DAB1: variants seen among roughly 807,000 people sequenced by gnomAD.
The protein encoded by DAB1 is disabled homolog 1.
DAB1 carries 15 observed loss-of-function variants against 64.6 expected under a neutral mutation model. The ratio of observed to expected loss-of-function variants is 0.23; its 90% CI spans 0.16 to 0.36. The LOEUF (loss-of-function observed/expected upper bound fraction) is 0.36. DAB1 is among the 10% of genes least tolerant of loss of function. The probability of loss-of-function intolerance (pLI) is 1.00; values close to 1 mark genes in which losing one functional copy is unlikely to be tolerated. For missense variants in DAB1, 596 were observed against 706.7 expected, an observed-to-expected ratio of 0.84 and a Z score of 1.78; for synonymous variants, 235 against 251.9, an observed-to-expected ratio of 0.93 and a Z score of 0.64.
intron 5 of DAB1, among the ~76,000 whole-genome samples, chr1:58,148,327 A>AAC (rs1654727024): frequency 6.6e-6 from 1 of 152,174 alleles, no homozygotes. Flanking sequence ...ATATTTTCAG[A>AAC]ACACACACCA....
chr1:58,074,702 C>A (rs1649533147), intron 5 of DAB1, among the ~76,000 whole-genome samples: 1 of 151,172 alleles, frequency 6.6e-6, no homozygotes, highest in African/African-American at 2.4e-5. Flanking sequence ...AAATGGCAAA[C>A]CCCTCAATCA....
intron 2 of DAB1, among the ~76,000 whole-genome samples, chr1:57,193,265 C>T (rs1664300000): frequency 6.6e-6 from 1 of 151,986 alleles, no homozygotes; most frequent in South Asian, 2.1e-4. Flanking sequence ...TGCTCTCTGC[C>T]TCTATGAGTT....
intron 1 of DAB1, among the ~76,000 whole-genome samples, chr1:57,292,317 C>T (rs996544770): frequency 9.2e-5 from 14 of 152,138 alleles, no homozygotes; most frequent in African/African-American, 1.4e-4. Flanking sequence ...GAAATTCCCA[C>T]CTTAATCCAA....
chr1:58,153,283 A>C (rs1252461563), intron 4 of DAB1, among the ~76,000 whole-genome samples: 1 of 152,174 alleles, frequency 6.6e-6, no homozygotes, highest in African/African-American at 2.4e-5. Flanking sequence ...CTGATTTACA[A>C]AGTACTTCCA....
At chr1:57,155,033 C>A (rs1007971418) in intron 2 of DAB1, among the ~76,000 whole-genome samples, 6 of 152,120 alleles carry the variant, frequency 3.9e-5, no homozygotes, top group African/African-American at 1.4e-4. Flanking sequence ...TTGATGTGAT[C>A]CCATTTGTAC....
chr1:58,056,365 A>G, intron 5 of DAB1: 1 of 1,588,174 alleles, frequency 6.3e-7, no homozygotes, highest in Non-Finnish European at 8.5e-7. Flanking sequence ...TCGAATGACG[A>G]ATGTCTTAAT....
intron 6 of DAB1, among the ~76,000 whole-genome samples, chr1:57,728,319 T>G (rs1187014404): frequency 1.3e-5 from 2 of 151,752 alleles, no homozygotes; most frequent in Non-Finnish European, 2.9e-5. Flanking sequence ...CCTGGCCGGG[T>G]GCGGTGGCTC....
chr1:58,138,402 C>G (rs1654069556), intron 5 of DAB1, among the ~76,000 whole-genome samples: 1 of 152,056 alleles, frequency 6.6e-6, no homozygotes, highest in African/African-American at 2.4e-5. Flanking sequence ...GAAAGTCTCA[C>G]AAAATAAAAT....
chr1:57,693,706 A>G (rs1040594366), intron 6 of DAB1, among the ~76,000 whole-genome samples: 3 of 152,180 alleles, frequency 2.0e-5, no homozygotes, highest in South Asian at 2.1e-4. Flanking sequence ...ACATGCCACA[A>G]AGGTCTGCGG....
chr1:57,303,585 G>T (rs1355430026), intron 1 of DAB1, among the ~76,000 whole-genome samples: 1 of 152,208 alleles, frequency 6.6e-6, no homozygotes, highest in East Asian at 1.9e-4. Context: ...GGAGAAGCCA[G>T]GAGGCAGCAA....
At chr1:57,455,622 GA>G (rs1686558713) in intron 7 of DAB1, among the ~76,000 whole-genome samples, 1 of 152,056 alleles carries the variant, frequency 6.6e-6, no homozygotes, top group South Asian at 2.1e-4. Context: ...AAGAAATGAA[GA>G]CGTAAATTAC....
intron 6 of DAB1, among the ~76,000 whole-genome samples, chr1:57,811,814 A>T (rs2101885373): frequency 6.6e-6 from 1 of 152,270 alleles, no homozygotes; most frequent in South Asian, 2.1e-4. Context: ...GGATGGAAAA[A>T]TTGATGCTCT....
chr1:58,475,489 C>CACAT (rs975392784), intron 3 of DAB1, among the ~76,000 whole-genome samples: 4 of 151,882 alleles, frequency 2.6e-5, no homozygotes, highest in Admixed American at 2.6e-4. Flanking sequence ...CACACACACA[C>CACAT]ACACACACAC....
At chr1:57,246,025 T>C (rs1468912792) in intron 2 of DAB1, among the ~76,000 whole-genome samples, 1 of 152,202 alleles carries the variant, frequency 6.6e-6, no homozygotes, top group Non-Finnish European at 1.5e-5. Flanking sequence ...AAGAAGAGCA[T>C]AAAAATTTGG....
Position 58,378,921 on chromosome 1 carries a change from C to T in DAB1, n.258-35518G>A, listed in dbSNP as rs551514690. ...AAGCCCGTCGGAAAAGCGCAATATT[C>T]GGGTGGGAGTGACCCGATTTTCCAG... On this transcript the variant is annotated intron_variant and non_coding_transcript_variant, in intron 3 of 20. Coordinates refer to the DAB1 transcript ENST00000485760. Among the ~76,000 whole-genome samples, 7 of 80,452 alleles carry T rather than the reference C, an allele frequency of 8.7e-5. 1 individual carries two copies. The highest frequency in any genetic ancestry group is 6.6e-4 in the Admixed American group (7 of 10,678). 52.8% of individuals were successfully genotyped at this position (80,452 alleles called of 152,430 possible).
At chr1:57,030,218 G>A (rs918623207) in intron 9 of DAB1, among the ~76,000 whole-genome samples, 1 of 152,170 alleles carries the variant, frequency 6.6e-6, no homozygotes, top group African/African-American at 2.4e-5. Flanking sequence ...ATTTTCTCTT[G>A]CTGCTGCCAT....
At chr1:57,845,402 T>TATCCAATTTCTGGTAGTCTTGC (rs1244049502) in intron 1 of DAB1, among the ~76,000 whole-genome samples, 8 of 152,220 alleles carry the variant, frequency 5.3e-5, no homozygotes, top group African/African-American at 1.4e-4. Context: ...TTCAGTCTTG[T>TATCCAATTTCTGGTAGTCTTGC]ATCCAATTTC....
chr1:57,977,450 C>T (rs181362597), intron 5 of DAB1, among the ~76,000 whole-genome samples: 44 of 152,252 alleles, frequency 2.9e-4, no homozygotes, highest in Non-Finnish European at 5.9e-4. Context: ...ATGGGTCCTA[C>T]CCGCAACATT....
intron 11 of DAB1, among the ~76,000 whole-genome samples, chr1:57,021,418 A>C (rs930358501): frequency 6.6e-6 from 1 of 152,162 alleles, no homozygotes; most frequent in Non-Finnish European, 1.5e-5. Context: ...AATAATCCCC[A>C]TGTGGAGATA....
Sources: gnomAD v4.1 joint callset for allele counts (sites outside exome capture counted in the v4.1 genomes callset) on GRCh38, gnomAD v4.1.1 for gene constraint, MANE v1.5 for transcripts, NCBI Gene and HGNC (gene_info 2026-07-23, HGNC 2026-07-21) for gene names.